The following FAM53B variants were observed in gnomAD, a reference collection of about 807,000 sequenced individuals.
FAM53B encodes protein FAM53B.
A neutral mutation model predicts 32.7 loss-of-function variants in FAM53B; 12 were observed. The ratio of observed to expected loss-of-function variants is 0.37; its 90% CI spans 0.24 to 0.59. The LOEUF (loss-of-function observed/expected upper bound fraction) is 0.59, where lower values mean the gene tolerates loss of function less well. Among genes scored for constraint, FAM53B ranks in the 20% least tolerant of loss-of-function variants. The pLI is 0.72. For synonymous variants in FAM53B, 234 were observed against 228.7 expected (o/e 1.02, Z -0.21); for missense variants, 477 against 577.7 (o/e 0.83, Z 1.79).
At chr10:124,686,536 A>C (rs74160949) in intron 3 of FAM53B, among the ~76,000 whole-genome samples, 1,765 of 152,330 alleles carry the variant, frequency 0.012, 38 homozygotes, top group African/African-American at 0.041. Context: ...TCATTTAAAA[A>C]GCCAACTCAA....
intron 4 of FAM53B, among the ~76,000 whole-genome samples, chr10:124,663,203 A>G (rs1249112648): frequency 1.3e-5 from 2 of 152,216 alleles, no homozygotes; most frequent in Non-Finnish European, 2.9e-5. Flanking sequence ...ACACACATAA[A>G]GTGCAAGCCT....
intron 2 of FAM53B, among the ~76,000 whole-genome samples, chr10:124,698,188 C>T (rs757803998): frequency 2.6e-5 from 4 of 152,182 alleles, no homozygotes; most frequent in Admixed American, 2.0e-4. Flanking sequence ...TGGGGAACCC[C>T]GGCCCCCAGC....
rs1053910609 is a variant in FAM53B, at chr10:124,622,051, G to C, written c.*1191C>G. 5.9e-5 allele frequency: 9 copies of C among 152,430 alleles called. No individual in the cohort carries two copies. Among genetic ancestry groups the C allele is most frequent in the African/African-American group, 1.9e-4 (8 of 41,464 alleles). The allele number at this position is 152,430 out of a possible 1,614,324, so 9.4% of individuals were successfully genotyped here. A position where few individuals can be genotyped will look rare whatever the true frequency, so the allele number is the denominator to read the frequency against. ...TGCCCCAGGGTGAGGAGCCAGGGTG[G>C]GGTAGGGGCAGGGAGCATGAATCCA... On this transcript the variant is annotated 3_prime_UTR_variant, in exon 5 of 5. Transcript: ENST00000337318.
chr10:124,731,702 C>CG (rs1014960455), intron 1 of FAM53B, among the ~76,000 whole-genome samples: 5 of 151,990 alleles, frequency 3.3e-5, no homozygotes, highest in Non-Finnish European at 7.4e-5. Flanking sequence ...TCTCACAAGG[C>CG]GGCTCCCTTC....
chr10:124,663,341 C>A (rs1039414460), intron 4 of FAM53B, among the ~76,000 whole-genome samples: 2 of 152,216 alleles, frequency 1.3e-5, no homozygotes, highest in African/African-American at 2.4e-5. Context: ...GCCCTCGTTC[C>A]TAGGAAAAGA....
intron 3 of FAM53B, among the ~76,000 whole-genome samples, chr10:124,694,652 G>A (rs986060375): frequency 6.6e-6 from 1 of 152,238 alleles, no homozygotes; most frequent in African/African-American, 2.4e-5. Context: ...GGAAGGAAGC[G>A]CAAAGGTGAG....
Position 124,732,448 on chromosome 10 carries a change from C to T in FAM53B, c.-175+11565G>A, listed in dbSNP as rs117372795. 2.2e-4 allele frequency among the ~76,000 whole-genome samples: 34 copies of T among 152,370 alleles called. No homozygotes were observed. The East Asian group carries it at 6.4e-3, about 28-fold the overall frequency. On this transcript the variant is annotated intron_variant, in intron 1 of 4. Coordinates refer to ENST00000337318, the MANE Select transcript of FAM53B (RefSeq NM_014661.4). The stretch of plus-strand genomic sequence containing the variant: ...CTCAGGTGAGCAGACGGACACCACC[C>T]TGGCCACGCTCCTCCATGGCAGAGG...
intron 1 of FAM53B, among the ~76,000 whole-genome samples, chr10:124,709,123 C>T (rs1472159825): frequency 6.6e-6 from 1 of 152,246 alleles, no homozygotes; most frequent in Non-Finnish European, 1.5e-5. Flanking sequence ...CCAGATCCTC[C>T]TCTCGGCAAT....
At chr10:124,700,535 C>A (rs1395621418) in intron 2 of FAM53B, among the ~76,000 whole-genome samples, 1 of 152,192 alleles carries the variant, frequency 6.6e-6, no homozygotes, top group Non-Finnish European at 1.5e-5. Flanking sequence ...CGAGCCCACG[C>A]CGGGGCAGGG....
chr10:124,716,868 G>A (rs1437341635), intron 1 of FAM53B, among the ~76,000 whole-genome samples: 1 of 151,958 alleles, frequency 6.6e-6, no homozygotes, highest in Admixed American at 6.6e-5. Flanking sequence ...GGAAAGAATG[G>A]GAAGAGAACC....
intron 1 of FAM53B, among the ~76,000 whole-genome samples, chr10:124,729,529 A>C (rs1336839998): frequency 8.5e-5 from 13 of 152,204 alleles, no homozygotes. Flanking sequence ...CTCTTGCCCA[A>C]GGTCCTGAAA....
At chr10:124,703,304 T>G (rs1428175314) in intron 2 of FAM53B, among the ~76,000 whole-genome samples, 1 of 152,186 alleles carries the variant, frequency 6.6e-6, no homozygotes, top group Non-Finnish European at 1.5e-5. Context: ...CTCTTCAGCC[T>G]CCCAAAGTGC....
rs1554900810 is a variant in FAM53B, at chr10:124,619,669, A to ATCT, written c.*3570_*3572dup. The ATCT allele has an allele frequency of 6.6e-6, 1 of 151,924 alleles. No homozygotes were observed. Among genetic ancestry groups the ATCT allele is most frequent in the Admixed American group, 6.6e-5 (1 of 15,212 alleles). The allele number at this position is 151,924 out of a possible 1,614,324, so 9.4% of individuals were successfully genotyped here. The stretch of plus-strand genomic sequence containing the variant: ...CGGTCTGCCATTAAAAAAAAAAAAA[A>ATCT]TCTTTCTCTTCTTTTCTCTTTAAAG... On this transcript the variant is annotated 3_prime_UTR_variant, in exon 5 of 5. Coordinates refer to ENST00000337318, the MANE Select transcript of FAM53B (RefSeq NM_014661.4).
intron 1 of FAM53B, among the ~76,000 whole-genome samples, chr10:124,731,205 C>T (rs7905183): frequency 0.051 from 7,708 of 152,302 alleles, 637 homozygotes; most frequent in African/African-American, 0.17. Context: ...CGAAGCCTAA[C>T]GCACAGTGGC....
chr10:124,701,170 C>T (rs937957509), intron 2 of FAM53B, among the ~76,000 whole-genome samples: 1 of 152,340 alleles, frequency 6.6e-6, no homozygotes, highest in African/African-American at 2.4e-5. Context: ...CTGGGGCCTG[C>T]CAGAGATCCT....
At chr10:124,718,706 T>C (rs1009689510) in intron 1 of FAM53B, among the ~76,000 whole-genome samples, 2 of 152,204 alleles carry the variant, frequency 1.3e-5, no homozygotes, top group African/African-American at 2.4e-5. Flanking sequence ...CAGATCAAAA[T>C]AGCACCAGAT....
chr10:124,742,125 T>C (rs76586378), intron 1 of FAM53B, among the ~76,000 whole-genome samples: 1 of 152,318 alleles, frequency 6.6e-6, no homozygotes, highest in East Asian at 1.9e-4. Context: ...CGCCTCTCCT[T>C]AGCTTTTTAA....
chr10:124,728,603 C>T (rs573627281), intron 1 of FAM53B, among the ~76,000 whole-genome samples: 36 of 152,322 alleles, frequency 2.4e-4, no homozygotes, highest in African/African-American at 8.2e-4. Context: ...TCACGACTAC[C>T]GCACAGAACA....
Position 124,621,737 on chromosome 10 carries a change from G to A in FAM53B, c.*1505C>T, listed in dbSNP as rs574090237. On this transcript the variant is annotated 3_prime_UTR_variant, in exon 5 of 5. Coordinates refer to ENST00000337318, the MANE Select transcript of FAM53B (RefSeq NM_014661.4). ...ATCTGGACTCAACCTGCAGAAGCGAGGCGTTCACTCGTCCATGAAGACGAG... is the reference window on the plus strand; with the variant it reads ...ATCTGGACTCAACCTGCAGAAGCGAAGCGTTCACTCGTCCATGAAGACGAG... The A allele has an allele frequency of 1.3e-5, 2 of 152,382 alleles. No individual in the cohort carries two copies. Among genetic ancestry groups the A allele is most frequent in the African/African-American group, 4.8e-5 (2 of 41,574 alleles). 9.4% of individuals were successfully genotyped at this position (152,382 alleles called of 1,614,324 possible). A position where few individuals can be genotyped will look rare whatever the true frequency, so the allele number is the denominator to read the frequency against.
Sources: gnomAD v4.1 joint callset for allele counts (sites outside exome capture counted in the v4.1 genomes callset) on GRCh38, gnomAD v4.1.1 for gene constraint, MANE v1.5 for transcripts, NCBI Gene and HGNC (gene_info 2026-07-23, HGNC 2026-07-21) for gene names.